VPS8: variants seen among roughly 807,000 people sequenced by gnomAD.
The protein encoded by VPS8 is vacuolar protein sorting-associated protein 8 homolog.
VPS8 carries 129 observed loss-of-function variants against 216.4 expected under a neutral mutation model. The observed-to-expected ratio is 0.60, with a 90% CI of 0.52 to 0.69. The LOEUF (loss-of-function observed/expected upper bound fraction) is 0.69, where lower values mean the gene tolerates loss of function less well. Ranked by LOEUF, VPS8 falls within the 30% of genes least tolerant of loss-of-function variation. VPS8 has a pLI of 0.00. For synonymous variants in VPS8, 571 were observed against 565.4 expected (o/e 1.01, Z -0.14); for missense variants, 1,531 against 1,683.5 (o/e 0.91, Z 1.59).
At chr3:184,923,093 G>A (rs1738937347) in intron 29 of VPS8, among the ~76,000 whole-genome samples, 1 of 152,104 alleles carries the variant, frequency 6.6e-6, no homozygotes, top group Non-Finnish European at 1.5e-5. Flanking sequence ...CAAGAAGTAG[G>A]TCAAAAGCTA....
At chr3:185,018,725 G>A (rs1436585424) in intron 45 of VPS8, among the ~76,000 whole-genome samples, 1 of 152,170 alleles carries the variant, frequency 6.6e-6, no homozygotes, top group Non-Finnish European at 1.5e-5. Context: ...AATTTAAAAG[G>A]AAACGGCTCA....
chr3:184,833,939 A>G (rs1030074779), intron 4 of VPS8, among the ~76,000 whole-genome samples: 6 of 152,346 alleles, frequency 3.9e-5, no homozygotes, highest in East Asian at 1.9e-4. Context: ...CCCCTCAGCT[A>G]TGAAATCCTT....
intron 5 of VPS8, chr3:184,836,461 A>C (rs1335795708): frequency 1.4e-5 from 5 of 356,786 alleles, no homozygotes; most frequent in Non-Finnish European, 2.7e-5. Context: ...CAATGATTAG[A>C]TAAATCTGTT....
At chr3:184,927,768 C>T (rs921295760) in intron 31 of VPS8, among the ~76,000 whole-genome samples, 1 of 152,160 alleles carries the variant, frequency 6.6e-6, no homozygotes, top group Non-Finnish European at 1.5e-5. Flanking sequence ...TTAGTAACTA[C>T]CAGTCTCTAT....
At chr3:184,951,107 G>A (rs372988830) in intron 36 of VPS8, among the ~76,000 whole-genome samples, 5 of 152,120 alleles carry the variant, frequency 3.3e-5, no homozygotes, top group East Asian at 1.9e-4. Flanking sequence ...GGGTCAAATG[G>A]TATTTCTGGT....
chr3:184,913,233 A>G (rs1736887307), intron 25 of VPS8, among the ~76,000 whole-genome samples: 1 of 152,090 alleles, frequency 6.6e-6, no homozygotes, highest in Admixed American at 6.6e-5. Context: ...CCTGCCCTAC[A>G]CCTTCCCTTG....
chr3:184,992,076 T>G (rs1274596600), intron 42 of VPS8, among the ~76,000 whole-genome samples: 2 of 152,182 alleles, frequency 1.3e-5, no homozygotes, highest in African/African-American at 4.8e-5. Context: ...GCAGACAGTC[T>G]CATGCTGCTC....
chr3:184,817,357 G>T (rs565001267), intron 1 of VPS8: 17 of 152,472 alleles, frequency 1.1e-4, no homozygotes, highest in African/African-American at 3.8e-4. Context: ...GAACAAGGCA[G>T]ATCTGGTCTT....
At chr3:184,853,743 T>G in intron 11 of VPS8, 114 bp from the exon 12 acceptor site, 8 of 1,020,616 alleles carry the variant, frequency 7.8e-6, no homozygotes, top group East Asian at 2.6e-5. Flanking sequence ...GGAGCTTGGA[T>G]TGTTGGGGGT....
At chr3:184,835,008 A>G (rs1488663321) in intron 5 of VPS8, 4 of 295,656 alleles carry the variant, frequency 1.4e-5, no homozygotes, top group Non-Finnish European at 2.5e-5. Context: ...TAAAATAAAT[A>G]CTATTTGCCT....
chr3:184,874,229 C>T (rs747322091), intron 21 of VPS8, among the ~76,000 whole-genome samples: 23 of 152,060 alleles, frequency 1.5e-4, no homozygotes, highest in Non-Finnish European at 3.1e-4. Flanking sequence ...CCTGGAATGC[C>T]TGTGACGTAA....
chr3:185,004,066 C>G (rs1753855588), intron 45 of VPS8, among the ~76,000 whole-genome samples: 1 of 152,232 alleles, frequency 6.6e-6, no homozygotes, highest in African/African-American at 2.4e-5. Flanking sequence ...CTCCCCACCT[C>G]CCAGATGGGG....
chr3:184,971,211 A>G (rs1189873496), intron 39 of VPS8, among the ~76,000 whole-genome samples: 2 of 152,234 alleles, frequency 1.3e-5, no homozygotes, highest in Non-Finnish European at 2.9e-5. Context: ...ATGAACAAAG[A>G]TATGAGAGTT....
At chr3:185,002,754 C>T (rs529291756) in intron 45 of VPS8, among the ~76,000 whole-genome samples, 2 of 152,312 alleles carry the variant, frequency 1.3e-5, no homozygotes, top group East Asian at 3.9e-4. Context: ...TCTCCATCTC[C>T]ATCCAGATTG....
rs762071539 is a variant in VPS8, at chr3:184,862,911, C to T, written c.1239C>T (p.Arg413=). Residue 413 remains arginine (R), a synonymous_variant, in exon 16 of 48, where the codon CGC becomes CGT. Coordinates refer to ENST00000625842, the MANE Select transcript of VPS8 (RefSeq NM_001009921.3). ...DLINFTWINS[R]TVVLLDSVEK... The stretch of plus-strand genomic sequence containing the variant: ...TTGAATTACAGTGGATAAATTCACG[C>T]ACAGTTGTGCTCTTAGACAGCGTAG... 5.6e-6 allele frequency: 9 copies of T among 1,611,762 alleles called. No individual in the cohort carries two copies. In the East Asian group the frequency reaches 1.3e-4, roughly 24 times the overall value.
In VPS8 at chr3:184,917,683, G is replaced by C. The variant is rs180734877; in HGVS notation, c.2382+2209G>C. Among the ~76,000 whole-genome samples the C allele has an allele frequency of 3.6e-3, 551 of 152,350 alleles. 3 individuals are homozygous for C. Among genetic ancestry groups the C allele is most frequent in the African/African-American group, 0.013 (529 of 41,586 alleles). Reference sequence around the variant, plus strand: ...GGCCTCCCAAAGTGCTGGGATTAGAGGCGTAAGCCACCACACCTGGCCAAA... The same window carrying C: ...GGCCTCCCAAAGTGCTGGGATTAGACGCGTAAGCCACCACACCTGGCCAAA... On this transcript the variant is annotated intron_variant, in intron 28 of 47. Transcript: ENST00000625842.
At chr3:184,999,551 T>G in intron 44 of VPS8, 145 bp from the exon 45 acceptor site, 1 of 952,464 alleles carries the variant, frequency 1.0e-6, no homozygotes, top group Non-Finnish European at 1.5e-6. Flanking sequence ...AGCAAGTACA[T>G]TCCCTTTCTT....
intron 45 of VPS8, among the ~76,000 whole-genome samples, 179 bp downstream of exon 45, chr3:185,000,040 A>G (rs1753189320): frequency 6.6e-6 from 1 of 152,196 alleles, no homozygotes; most frequent in Admixed American, 6.5e-5. Context: ...TCTACTCAGT[A>G]TGGAAAAACA....
At chr3:184,967,049 C>T (rs2109581303) in intron 39 of VPS8, among the ~76,000 whole-genome samples, 1 of 152,122 alleles carries the variant, frequency 6.6e-6, no homozygotes, top group South Asian at 2.1e-4. Flanking sequence ...TCACTGCAAC[C>T]TCCATCTTCC....
Sources: gnomAD v4.1 joint callset for allele counts (sites outside exome capture counted in the v4.1 genomes callset) on GRCh38, gnomAD v4.1.1 for gene constraint, MANE v1.5 for transcripts, NCBI Gene and HGNC (gene_info 2026-07-23, HGNC 2026-07-21) for gene names.